SGCZ: variants seen among roughly 807,000 people sequenced by gnomAD.
SGCZ encodes the protein sarcoglycan zeta, also known as zeta-sarcoglycan.
A neutral mutation model predicts 41.3 loss-of-function variants in SGCZ; 40 were observed. The ratio of observed to expected loss-of-function variants is 0.97; its 90% CI spans 0.75 to 1.26. The LOEUF (loss-of-function observed/expected upper bound fraction) is 1.26, where lower values mean the gene tolerates loss of function less well. SGCZ is among the 50% of genes most tolerant of loss of function. SGCZ has a pLI of 0.00. For synonymous variants in SGCZ, 206 were observed against 137.5 expected (o/e 1.50, Z -3.49); for missense variants, 552 against 369.8 (o/e 1.49, Z -4.04).
chr8:14,800,869 G>C (rs1168936999), intron 1 of SGCZ, among the ~76,000 whole-genome samples: 1 of 151,728 alleles, frequency 6.6e-6, no homozygotes, highest in Non-Finnish European at 1.5e-5. Flanking sequence ...TGGAATGCTA[G>C]TCTCACTCAT....
intron 5 of SGCZ, among the ~76,000 whole-genome samples, chr8:14,154,518 G>A (rs904194779): frequency 2.6e-5 from 4 of 152,160 alleles, no homozygotes; most frequent in South Asian, 2.1e-4. Flanking sequence ...CATGTTACCC[G>A]TGGTTTATTA....
intron 1 of SGCZ, among the ~76,000 whole-genome samples, chr8:14,794,354 G>C (rs1801054056): frequency 6.6e-6 from 1 of 151,990 alleles, no homozygotes. Context: ...AGAGAGATGA[G>C]AAAATATACT....
intron 1 of SGCZ, among the ~76,000 whole-genome samples, chr8:15,102,164 T>C (rs1339145555): frequency 6.6e-6 from 1 of 152,186 alleles, no homozygotes; most frequent in African/African-American, 2.4e-5. Flanking sequence ...AACCAAGGTG[T>C]CCTTCAGTAG....
At chr8:14,497,560 ATGTG>A (rs35100445) in intron 2 of SGCZ, among the ~76,000 whole-genome samples, 1 of 150,744 alleles carries the variant, frequency 6.6e-6, no homozygotes, top group Non-Finnish European at 1.5e-5. Context: ...GTGTGTGCGT[ATGTG>A]TGTGTGTGTG....
chr8:14,697,549 C>T (rs547918902), intron 1 of SGCZ, among the ~76,000 whole-genome samples: 17 of 152,162 alleles, frequency 1.1e-4, no homozygotes, highest in African/African-American at 1.7e-4. Context: ...TGCTGATTAT[C>T]GGTTCTTTTG....
chr8:14,230,475 T>C (rs1806522729), intron 4 of SGCZ, among the ~76,000 whole-genome samples: 2 of 152,104 alleles, frequency 1.3e-5, no homozygotes. Flanking sequence ...AACGGATGCC[T>C]GGAGTAATGT....
At chr8:14,283,772 C>A (rs1041981138) in intron 3 of SGCZ, among the ~76,000 whole-genome samples, 1 of 152,158 alleles carries the variant, frequency 6.6e-6, no homozygotes, top group Non-Finnish European at 1.5e-5. Context: ...CATAACTACT[C>A]TACTGCAATG....
chr8:14,252,756 T>G (rs893452172), intron 3 of SGCZ, among the ~76,000 whole-genome samples: 1 of 152,206 alleles, frequency 6.6e-6, no homozygotes, highest in Non-Finnish European at 1.5e-5. Flanking sequence ...TTTTCCTGTT[T>G]CCAGCCATTA....
intron 1 of SGCZ, among the ~76,000 whole-genome samples, chr8:15,191,864 A>C (rs986403619): frequency 7.2e-5 from 11 of 152,160 alleles, no homozygotes; most frequent in Admixed American, 3.3e-4. Context: ...AACAACCCAG[A>C]AGAAAAATAT....
chr8:14,341,914 T>A (rs1191290241), intron 2 of SGCZ, among the ~76,000 whole-genome samples: 2 of 152,192 alleles, frequency 1.3e-5, no homozygotes, highest in African/African-American at 4.8e-5. Context: ...CAGGTCTGGC[T>A]TTATCAGCAG....
At chr8:14,448,477 C>A (rs1007577595) in intron 2 of SGCZ, among the ~76,000 whole-genome samples, 1 of 152,096 alleles carries the variant, frequency 6.6e-6, no homozygotes, top group African/African-American at 2.4e-5. Flanking sequence ...GAATTGAGAG[C>A]AGAAATGTAA....
chr8:14,830,652 A>AT (rs893338527), intron 1 of SGCZ, among the ~76,000 whole-genome samples: 3 of 152,062 alleles, frequency 2.0e-5, no homozygotes, highest in African/African-American at 4.8e-5. Context: ...ACTAATAATT[A>AT]TTTTTTTCAT....
At chr8:14,264,855 C>G (rs1302921190) in intron 3 of SGCZ, among the ~76,000 whole-genome samples, 4 of 151,940 alleles carry the variant, frequency 2.6e-5, no homozygotes, top group African/African-American at 7.3e-5. Flanking sequence ...CCCAGCTACT[C>G]GGGAGGCTGA....
chr8:14,415,504 A>G (rs1799470052), intron 2 of SGCZ, among the ~76,000 whole-genome samples: 2 of 151,890 alleles, frequency 1.3e-5, no homozygotes, highest in African/African-American at 4.8e-5. Context: ...GATGAAATAA[A>G]GCGTTAAGTC....
intron 1 of SGCZ, among the ~76,000 whole-genome samples, chr8:14,656,255 T>C (rs1807564681): frequency 6.6e-6 from 1 of 152,090 alleles, no homozygotes; most frequent in Admixed American, 6.6e-5. Flanking sequence ...ACCAGAATTA[T>C]ATATGTTGAT....
chr8:15,013,846 T>C (rs998724561), intron 1 of SGCZ, among the ~76,000 whole-genome samples: 2 of 152,144 alleles, frequency 1.3e-5, no homozygotes, highest in Non-Finnish European at 2.9e-5. Context: ...AAACGAGGCA[T>C]GTTTGTGGGA....
intron 1 of SGCZ, among the ~76,000 whole-genome samples, chr8:14,892,442 T>C (rs571652145): frequency 6.6e-6 from 1 of 152,206 alleles, no homozygotes; most frequent in Admixed American, 6.5e-5. Flanking sequence ...AGGAACTCTG[T>C]AACATTTAAA....
intron 1 of SGCZ, among the ~76,000 whole-genome samples, chr8:15,233,280 G>A (rs1339548616): frequency 6.8e-6 from 1 of 146,784 alleles, no homozygotes; most frequent in Non-Finnish European, 1.5e-5. Flanking sequence ...TTCCTACACT[G>A]CAGCAAGCTT....
At chr8:14,397,894 CA>C (rs1399444237) in intron 2 of SGCZ, among the ~76,000 whole-genome samples, 1 of 152,128 alleles carries the variant, frequency 6.6e-6, no homozygotes, top group African/African-American at 2.4e-5. Context: ...TTCATCAAGA[CA>C]ACCTTGCCCT....
Sources: allele counts gnomAD v4.1 joint callset (sites outside exome capture counted in the v4.1 genomes callset), GRCh38; gene constraint gnomAD v4.1.1; transcripts MANE v1.5; gene names NCBI Gene and HGNC (gene_info 2026-07-23, HGNC 2026-07-21).